Variants in ASTN2 observed in about 807,000 individuals in gnomAD.
The protein encoded by ASTN2 is astrotactin 2.
A neutral mutation model predicts 139.8 loss-of-function variants in ASTN2; 54 were observed. The observed-to-expected ratio is 0.39, with a 90% CI of 0.31 to 0.48. The LOEUF is 0.48. Among genes scored for constraint, ASTN2 ranks in the 20% least tolerant of loss-of-function variants. The pLI is 0.95. For missense variants in ASTN2, 1,565 were observed against 1,725.1 expected (o/e 0.91, Z 1.64); for synonymous variants, 756 against 719.5 (o/e 1.05, Z -0.81).
At chr9:117,383,937 C>G (rs878908194) in intron 1 of ASTN2, among the ~76,000 whole-genome samples, 3 of 152,182 alleles carry the variant, frequency 2.0e-5, no homozygotes, top group Admixed American at 2.0e-4. Context: ...ATTTACTGCA[C>G]TTCCATTAAA....
At chr9:116,729,926 T>A (rs559411913) in intron 14 of ASTN2, among the ~76,000 whole-genome samples, 7 of 152,276 alleles carry the variant, frequency 4.6e-5, no homozygotes, top group African/African-American at 1.7e-4. Context: ...TTTTATAGAA[T>A]AAATTTCAGG....
chr9:116,724,157 AAGGTTTTTAT>A (rs527984491), intron 16 of ASTN2, among the ~76,000 whole-genome samples: 107 of 152,314 alleles, frequency 7.0e-4, no homozygotes, highest in African/African-American at 2.5e-3. Flanking sequence ...ACAGTGAGTG[AAGGTTTTTAT>A]AAACATAACC....
intron 11 of ASTN2, among the ~76,000 whole-genome samples, chr9:116,840,959 C>T (rs1832230811): frequency 1.3e-5 from 2 of 151,998 alleles, no homozygotes; most frequent in African/African-American, 2.4e-5. Flanking sequence ...AGAAGCTCCT[C>T]ACTTCCCAGA....
At chr9:116,514,825 G>A (rs182779518) in intron 19 of ASTN2, among the ~76,000 whole-genome samples, 3 of 152,274 alleles carry the variant, frequency 2.0e-5, no homozygotes, top group East Asian at 3.9e-4. Context: ...CTGGTGTGCC[G>A]TTTGCTAAGA....
rs563534538 is a variant in ASTN2, at chr9:117,088,738, C to T, written c.1276+7306G>A. Reference sequence around the variant, plus strand: ...AAGCAGCAAAGCTTAGAGGAAAGTACCTGAGATTGGGGATCAGAAAACCTG... The same window carrying T: ...AAGCAGCAAAGCTTAGAGGAAAGTATCTGAGATTGGGGATCAGAAAACCTG... On this transcript the variant is annotated intron_variant, in intron 5 of 22. Coordinates refer to ENST00000313400, the MANE Select transcript of ASTN2 (RefSeq NM_001365068.1). 7.2e-5 allele frequency among the ~76,000 whole-genome samples: 11 copies of T among 152,272 alleles called. No homozygotes were observed. The South Asian group carries it at 2.1e-3, about 29-fold the overall frequency.
chr9:116,932,649 C>A (rs1834935327), intron 10 of ASTN2, among the ~76,000 whole-genome samples: 1 of 152,174 alleles, frequency 6.6e-6, no homozygotes, highest in East Asian at 1.9e-4. Context: ...CTACAGGAAC[C>A]TGGAGTTCTG....
At chr9:116,770,272 C>T (rs772882469) in intron 13 of ASTN2, among the ~76,000 whole-genome samples, 17 of 151,938 alleles carry the variant, frequency 1.1e-4, no homozygotes, top group Non-Finnish European at 2.4e-4. Flanking sequence ...ATGGCTATTC[C>T]CAAGGTTGTA....
intron 3 of ASTN2, among the ~76,000 whole-genome samples, chr9:117,144,047 T>C (rs1478212241): frequency 2.0e-5 from 3 of 152,134 alleles, no homozygotes; most frequent in South Asian, 2.1e-4. Flanking sequence ...TAAGGTTAGA[T>C]GAAGTCATAA....
chr9:116,733,464 A>G lies in ASTN2; in HGVS notation c.2456T>C (p.Leu819Pro). The G allele has an allele frequency of 2.5e-6, 4 of 1,614,214 alleles. No homozygotes were observed. Among genetic ancestry groups the G allele is most frequent in the Non-Finnish European group, 3.4e-6 (4 of 1,180,042 alleles). The change falls in exon 14 of 23, where the codon CTG (leucine) becomes CCG (proline). Residue 819 changes from leucine to proline, a missense_variant. Leu to Pro is a moderately conservative substitution (Grantham distance 98, BLOSUM62 -3). Transcript: ENST00000313400. ...QLADGLLVIP[L>P]PVEEQCRGVL... ...CCCCCGGCACTGCTCCTCCACCGGCAGCGGGATCACCAACAGCCCATCGGC... is the reference window on the plus strand; with the variant it reads ...CCCCCGGCACTGCTCCTCCACCGGCGGCGGGATCACCAACAGCCCATCGGC...
intron 19 of ASTN2, among the ~76,000 whole-genome samples, chr9:116,543,157 G>A (rs1851946470): frequency 1.3e-5 from 2 of 151,742 alleles, no homozygotes; most frequent in African/African-American, 2.4e-5. Context: ...AAAATGAAGA[G>A]AGTTCTTCAT....
intron 2 of ASTN2, among the ~76,000 whole-genome samples, chr9:117,249,739 T>C (rs1433778509): frequency 6.6e-6 from 1 of 151,880 alleles, no homozygotes; most frequent in Non-Finnish European, 1.5e-5. Flanking sequence ...AATCCAGATT[T>C]AAGAGGGCAC....
At chr9:116,817,527 C>T (rs1368494775) in intron 12 of ASTN2, among the ~76,000 whole-genome samples, 1 of 152,020 alleles carries the variant, frequency 6.6e-6, no homozygotes, top group East Asian at 1.9e-4. Flanking sequence ...ACTCCAGAAA[C>T]TGAAACCAGG....
At chr9:116,869,457 A>G (rs1050811840) in intron 10 of ASTN2, among the ~76,000 whole-genome samples, 2 of 152,180 alleles carry the variant, frequency 1.3e-5, no homozygotes, top group African/African-American at 4.8e-5. Flanking sequence ...CTAATACTGC[A>G]CTGGCTCTTC....
At chr9:116,530,689 G>A (rs1418719153) in intron 19 of ASTN2, among the ~76,000 whole-genome samples, 2 of 152,112 alleles carry the variant, frequency 1.3e-5, no homozygotes, top group African/African-American at 2.4e-5. Flanking sequence ...AGCCAAACAG[G>A]AGTCAAGAAA....
rs537118654 is a variant in ASTN2, at chr9:116,671,197, A to G, written c.2807-19404T>C. On this transcript the variant is annotated intron_variant, in intron 16 of 22. Transcript: ENST00000313400. ...TTGAATACCTAGAATTATTATAGAT[A>G]CGTATTAACAGAGTAAGAGGAACTT... Among the ~76,000 whole-genome samples, 9 of 152,334 alleles carry G rather than the reference A, an allele frequency of 5.9e-5. No homozygotes were observed. In the East Asian group the frequency reaches 1.7e-3, roughly 29 times the overall value.
intron 19 of ASTN2, among the ~76,000 whole-genome samples, chr9:116,538,915 G>A (rs1851761211): frequency 6.6e-6 from 1 of 152,096 alleles, no homozygotes; most frequent in South Asian, 2.1e-4. Flanking sequence ...AAACTTCATT[G>A]ACAAGAACTA....
chr9:117,010,475 T>C (rs1837488119), intron 6 of ASTN2, among the ~76,000 whole-genome samples: 1 of 152,170 alleles, frequency 6.6e-6, no homozygotes, highest in South Asian at 2.1e-4. Flanking sequence ...AGCTACACAG[T>C]GCAGTGATAA....
intron 5 of ASTN2, among the ~76,000 whole-genome samples, chr9:117,093,490 C>G (rs1188927181): frequency 3.9e-5 from 6 of 152,136 alleles, no homozygotes; most frequent in Non-Finnish European, 7.3e-5. Flanking sequence ...CCACCAGAAT[C>G]CATGCTTTTA....
chr9:116,941,998 A>C (rs1835248160), intron 10 of ASTN2, among the ~76,000 whole-genome samples: 1 of 151,806 alleles, frequency 6.6e-6, no homozygotes, highest in African/African-American at 2.4e-5. Context: ...CTAAAAAAAA[A>C]AAAAAAAGTC....
Sources: allele counts gnomAD v4.1 joint callset (sites outside exome capture counted in the v4.1 genomes callset), GRCh38; gene constraint gnomAD v4.1.1; transcripts MANE v1.5; gene names NCBI Gene and HGNC (gene_info 2026-07-23, HGNC 2026-07-21).